The following TSPAN18 variants were observed in gnomAD, a reference collection of about 807,000 sequenced individuals.
The protein encoded by TSPAN18 is tetraspanin-18.
Under a neutral mutation model 27.3 loss-of-function variants are expected in TSPAN18, and 14 were observed. The ratio of observed to expected loss-of-function variants is 0.51; its 90% CI spans 0.34 to 0.80. TSPAN18 has a LOEUF of 0.80. Among genes scored for constraint, TSPAN18 ranks in the 30% least tolerant of loss-of-function variants. The pLI, the probability that TSPAN18 is intolerant of heterozygous loss-of-function variation, is 0.01. For missense variants in TSPAN18, 268 were observed against 323.9 expected (o/e 0.83, Z 1.32); for synonymous variants, 143 against 136.5 (o/e 1.05, Z -0.33).
intron 9 of TSPAN18, 34 bp downstream of exon 9, chr11:44,926,791 G>C (rs929848209): frequency 1.9e-6 from 3 of 1,604,120 alleles, no homozygotes; most frequent in Non-Finnish European, 2.6e-6. Context: ...CCGCTCCCCA[G>C]GATGAAGCCT....
At chr11:44,827,658 C>G (rs967817234) in intron 2 of TSPAN18, among the ~76,000 whole-genome samples, 3 of 152,208 alleles carry the variant, frequency 2.0e-5, no homozygotes, top group Non-Finnish European at 2.9e-5. Context: ...ATGTGGAAAC[C>G]CAAACCACTT....
intron 2 of TSPAN18, among the ~76,000 whole-genome samples, chr11:44,844,661 A>G (rs1857443404): frequency 6.6e-6 from 1 of 152,214 alleles, no homozygotes; most frequent in African/African-American, 2.4e-5. Flanking sequence ...TCTTTGGCAC[A>G]ATTTTAAACT....
intron 2 of TSPAN18, among the ~76,000 whole-genome samples, chr11:44,800,443 C>T (rs979165326): frequency 2.0e-5 from 3 of 152,116 alleles, no homozygotes; most frequent in East Asian, 1.9e-4. Context: ...ATACCTGTGC[C>T]GTAAATGAAA....
Position 44,875,603 on chromosome 11 carries a change from G to A in TSPAN18, c.-11+15134G>A, listed in dbSNP as rs573932596. Among the ~76,000 whole-genome samples the A allele has an allele frequency of 3.9e-5, 6 of 152,330 alleles. No homozygotes were observed. The South Asian group carries it at 1.0e-3, about 26-fold the overall frequency. ...ATTATGTGCAGAGCACTTGCCCTGT[G>A]CAAAATTATCTCATCAAATCCTTGT... is the stretch of plus-strand genomic sequence containing the variant. On this transcript the variant is annotated intron_variant, in intron 3 of 9. Transcript: ENST00000520358.
At chr11:44,903,676 G>A (rs1564984794) in intron 3 of TSPAN18, 2 of 455,772 alleles carry the variant, frequency 4.4e-6, no homozygotes, top group African/African-American at 4.0e-5. Context: ...TAGAGAGGAT[G>A]ATGTCATCCG....
At chr11:44,838,639 T>A (rs61880638) in intron 2 of TSPAN18, among the ~76,000 whole-genome samples, 1 of 151,964 alleles carries the variant, frequency 6.6e-6, no homozygotes, top group Non-Finnish European at 1.5e-5. Context: ...TGACGCCACC[T>A]GTGAAAGACT....
rs567188348 is a variant in TSPAN18 at position 44,834,959 on chromosome 11, G to A, written c.-152-25369G>A. Among the ~76,000 whole-genome samples, 9 of 152,326 alleles carry A rather than the reference G, an allele frequency of 5.9e-5. No homozygotes were observed. The South Asian group carries it at 1.7e-3, about 28-fold the overall frequency. On this transcript the variant is annotated intron_variant, in intron 2 of 9. Transcript: ENST00000520358. ...GGGCTGCTCTTGCTGATCCCACAGG[G>A]AAACCTGTAAGTTTCTGTTAACTTG...
intron 2 of TSPAN18, among the ~76,000 whole-genome samples, chr11:44,843,715 C>T (rs1443539805): frequency 6.6e-6 from 1 of 152,182 alleles, no homozygotes; most frequent in Non-Finnish European, 1.5e-5. Context: ...TTCTCTTTCT[C>T]AGGGACGTTC....
At chr11:44,759,781 A>G (rs1253855951) in intron 1 of TSPAN18, among the ~76,000 whole-genome samples, 2 of 152,218 alleles carry the variant, frequency 1.3e-5, no homozygotes, top group Non-Finnish European at 2.9e-5. Context: ...GTAAGATACC[A>G]CCCATATCTT....
chr11:44,844,898 C>T (rs1031344405), intron 2 of TSPAN18, among the ~76,000 whole-genome samples: 2 of 152,170 alleles, frequency 1.3e-5, no homozygotes, highest in African/African-American at 2.4e-5. Context: ...GCCTGGTGCT[C>T]ATCACCACTC....
chr11:44,735,409 G>T (rs1225805571), intron 1 of TSPAN18, among the ~76,000 whole-genome samples: 1 of 152,226 alleles, frequency 6.6e-6, no homozygotes, highest in Admixed American at 6.5e-5. Context: ...TGCAGACAAG[G>T]TGTTGGCAGG....
At chr11:44,820,162 C>T (rs769429857) in intron 2 of TSPAN18, among the ~76,000 whole-genome samples, 11 of 152,216 alleles carry the variant, frequency 7.2e-5, no homozygotes, top group Non-Finnish European at 1.5e-4. Context: ...CTTTGACTAG[C>T]GTGTTCTACT....
chr11:44,807,570 C>T (rs779122368), intron 2 of TSPAN18, among the ~76,000 whole-genome samples: 35 of 146,420 alleles, frequency 2.4e-4, no homozygotes, highest in Non-Finnish European at 1.9e-4. Context: ...AAAAGAATAG[C>T]ACAGGTGGGA....
At chr11:44,875,560 TA>T in intron 3 of TSPAN18, among the ~76,000 whole-genome samples, 1 of 152,236 alleles carries the variant, frequency 6.6e-6, no homozygotes, top group South Asian at 2.1e-4. Context: ...GAGAAGATGT[TA>T]CAGCATTCAG....
chr11:44,791,851 C>T (rs546672094), intron 2 of TSPAN18, among the ~76,000 whole-genome samples: 3 of 152,230 alleles, frequency 2.0e-5, no homozygotes, highest in South Asian at 2.1e-4. Flanking sequence ...TTTCACCCAG[C>T]GAGCTTCGGT....
At chr11:44,879,717 T>G (rs1432759902) in intron 3 of TSPAN18, among the ~76,000 whole-genome samples, 1 of 152,140 alleles carries the variant, frequency 6.6e-6, no homozygotes, top group Admixed American at 6.6e-5. Context: ...TTGTAAGCTG[T>G]TGTGAGTTTG....
intron 2 of TSPAN18, among the ~76,000 whole-genome samples, chr11:44,838,757 A>T (rs1342086199): frequency 6.6e-6 from 1 of 152,214 alleles, no homozygotes; most frequent in Non-Finnish European, 1.5e-5. Flanking sequence ...TGGAGCCTCC[A>T]AAAGGAACGT....
At chr11:44,848,330 C>T (rs1467207302) in intron 2 of TSPAN18, among the ~76,000 whole-genome samples, 1 of 152,246 alleles carries the variant, frequency 6.6e-6, no homozygotes, top group African/African-American at 2.4e-5. Context: ...GGAACCAGGC[C>T]CCTTCCTGCT....
chr11:44,758,650 T>A (rs908533074), intron 1 of TSPAN18, among the ~76,000 whole-genome samples: 2 of 152,200 alleles, frequency 1.3e-5, no homozygotes, highest in African/African-American at 4.8e-5. Context: ...ATAGGCTGGG[T>A]ACTGTGGGAA....
Sources: gnomAD v4.1 joint callset for allele counts (sites outside exome capture counted in the v4.1 genomes callset) on GRCh38, gnomAD v4.1.1 for gene constraint, MANE v1.5 for transcripts, NCBI Gene and HGNC (gene_info 2026-07-23, HGNC 2026-07-21) for gene names.